Variants in ADGB observed in about 807,000 individuals in gnomAD.
The protein encoded by ADGB is androglobin, also known as calpain-7-like protein.
In ADGB, 172 loss-of-function variants were observed where a neutral mutation model predicts 210.5. The observed-to-expected ratio is 0.82, with a 90% CI of 0.72 to 0.93. ADGB has a LOEUF of 0.93. ADGB is among the 40% of genes least tolerant of loss of function. The pLI is 0.00. For missense variants in ADGB, 2,025 were observed against 1,964.8 expected (o/e 1.03, Z -0.58); for synonymous variants, 658 against 662.7 (o/e 0.99, Z 0.11).
At chr6:146,756,694 T>C (rs895889658) in intron 27 of ADGB, among the ~76,000 whole-genome samples, 6 of 151,910 alleles carry the variant, frequency 3.9e-5, no homozygotes, top group Admixed American at 3.3e-4. Context: ...CCCCAATAAA[T>C]AGTACTACCC....
At chr6:146,662,990 A>T (rs1775884269) in intron 5 of ADGB, among the ~76,000 whole-genome samples, 2 of 145,882 alleles carry the variant, frequency 1.4e-5, no homozygotes, top group South Asian at 4.2e-4. Context: ...TATATAATAT[A>T]TATCTTAATC....
At chr6:146,643,015 T>C (rs1382739852) in intron 2 of ADGB, among the ~76,000 whole-genome samples, 1 of 151,850 alleles carries the variant, frequency 6.6e-6, no homozygotes, top group African/African-American at 2.4e-5. Context: ...TCCATGAACA[T>C]CTTAGATTTT....
intron 4 of ADGB, 70 bp downstream of exon 4, chr6:146,654,276 A>G (rs1775745498): frequency 1.9e-6 from 2 of 1,061,904 alleles, no homozygotes; most frequent in Non-Finnish European, 1.4e-6. Context: ...CCATTCCCAG[A>G]CAGTCGATTT....
chr6:146,706,804 G>A (rs1776576286), intron 13 of ADGB, among the ~76,000 whole-genome samples: 2 of 135,538 alleles, frequency 1.5e-5, no homozygotes, highest in South Asian at 4.6e-4. Context: ...TCTAGCAAAA[G>A]GTTTGTCAGT....
chr6:146,706,851 T>G (rs1185988178), intron 13 of ADGB, among the ~76,000 whole-genome samples: 3 of 150,522 alleles, frequency 2.0e-5, no homozygotes, highest in East Asian at 1.9e-4. Flanking sequence ...TAGTGTTTTT[T>G]TTTTTTTTTT....
Position 146,716,787 on chromosome 6 carries a change from T to C in ADGB, c.1742-96T>C, listed in dbSNP as rs1278384206. 4 of 1,202,896 alleles carry C rather than the reference T, an allele frequency of 3.3e-6. No homozygotes were observed. The East Asian group carries it at 7.8e-5, about 24-fold the overall frequency. 74.5% of individuals were successfully genotyped at this position (1,202,896 alleles called of 1,614,324 possible). A position where few individuals can be genotyped will look rare whatever the true frequency, so the allele number is the denominator to read the frequency against. Reference sequence around the variant, plus strand: ...TATCTCATAAATATTTTCCCAAAAATAGACTTTGATATTTAAGTTTCCCTT... The same window carrying C: ...TATCTCATAAATATTTTCCCAAAAACAGACTTTGATATTTAAGTTTCCCTT... On this transcript the variant is annotated intron_variant, in intron 14 of 35. Coordinates refer to ENST00000397944, the MANE Select transcript of ADGB (RefSeq NM_024694.4).
intron 5 of ADGB, among the ~76,000 whole-genome samples, chr6:146,662,472 C>A (rs1159013380): frequency 6.6e-6 from 1 of 151,798 alleles, no homozygotes; most frequent in African/African-American, 2.4e-5. Flanking sequence ...TATTTTTATG[C>A]CTTTATATCT....
intron 1 of ADGB, among the ~76,000 whole-genome samples, chr6:146,605,044 C>A (rs1338055455): frequency 6.6e-6 from 1 of 152,086 alleles, no homozygotes; most frequent in East Asian, 1.9e-4. Flanking sequence ...CAAGTTGAAT[C>A]ATAAAGCATC....
intron 32 of ADGB, among the ~76,000 whole-genome samples, chr6:146,788,076 T>A (rs1272765832): frequency 2.0e-5 from 3 of 152,182 alleles, no homozygotes; most frequent in Non-Finnish European, 4.4e-5. Flanking sequence ...CTAGTTGTAC[T>A]TCCTCCAGGG....
At chr6:146,726,273 G>A (rs1482211535) in intron 19 of ADGB, 76 bp downstream of exon 19, 2 of 1,022,208 alleles carry the variant, frequency 2.0e-6, no homozygotes, top group African/African-American at 3.2e-5. Context: ...CAGGGCTGGA[G>A]TGCAGTGGCA....
At chr6:146,706,845 G>GTTTTTTTT (rs34520729) in intron 13 of ADGB, among the ~76,000 whole-genome samples, 6 of 100,722 alleles carry the variant, frequency 6.0e-5, no homozygotes, top group East Asian at 3.1e-4. Context: ...TCAGCTTAGT[G>GTTTTTTTT]TTTTTTTTTT....
chr6:146,634,950 A>G (rs1775390081), intron 1 of ADGB, among the ~76,000 whole-genome samples: 1 of 152,092 alleles, frequency 6.6e-6, no homozygotes, highest in Non-Finnish European at 1.5e-5. Context: ...CAATATGCTG[A>G]TGAAGTGGTA....
intron 13 of ADGB, among the ~76,000 whole-genome samples, chr6:146,703,617 A>G (rs1583597507): frequency 6.6e-6 from 1 of 151,964 alleles, no homozygotes; most frequent in Non-Finnish European, 1.5e-5. Flanking sequence ...TATCCTAGTT[A>G]TTGCAAATGA....
chr6:146,622,882 T>C (rs1457672927), intron 1 of ADGB, among the ~76,000 whole-genome samples: 1 of 152,082 alleles, frequency 6.6e-6, no homozygotes, highest in African/African-American at 2.4e-5. Context: ...TTTATCTTTG[T>C]AAATAATGCA....
chr6:146,697,973 G>A (rs912000363), intron 12 of ADGB, among the ~76,000 whole-genome samples: 1 of 152,118 alleles, frequency 6.6e-6, no homozygotes. Context: ...AAGAAGTCTG[G>A]TACACAAATT....
chr6:146,760,185 T>C (rs1478972186), intron 27 of ADGB, among the ~76,000 whole-genome samples: 1 of 151,850 alleles, frequency 6.6e-6, no homozygotes, highest in Non-Finnish European at 1.5e-5. Context: ...GTACATACTT[T>C]AGTATGACCC....
At chr6:146,750,939 G>A (rs891202485) in intron 26 of ADGB, among the ~76,000 whole-genome samples, 3 of 152,102 alleles carry the variant, frequency 2.0e-5, no homozygotes, top group Non-Finnish European at 2.9e-5. Flanking sequence ...AAGAGGTTTG[G>A]TGGCTTTTAG....
At chr6:146,725,851 T>C (rs1776887252) in intron 18 of ADGB, 1 of 377,602 alleles carries the variant, frequency 2.6e-6, no homozygotes, top group African/African-American at 2.0e-5. Context: ...AGAAGTTTGG[T>C]ATTTAGCCTA....
intron 13 of ADGB, among the ~76,000 whole-genome samples, chr6:146,707,798 T>C (rs1303866857): frequency 6.6e-6 from 1 of 152,130 alleles, no homozygotes; most frequent in Non-Finnish European, 1.5e-5. Context: ...TTTGCCACTC[T>C]ATGCCTTTTG....
Sources: gnomAD v4.1 joint callset for allele counts (sites outside exome capture counted in the v4.1 genomes callset) on GRCh38, gnomAD v4.1.1 for gene constraint, MANE v1.5 for transcripts, NCBI Gene and HGNC (gene_info 2026-07-23, HGNC 2026-07-21) for gene names.